Variants in TGFB2 observed in about 807,000 individuals in gnomAD.
TGFB2 encodes the protein transforming growth factor beta 2, also known as transforming growth factor beta-2 proprotein.
In TGFB2, 13 loss-of-function variants were observed where a neutral mutation model predicts 42.7. The ratio of observed to expected loss-of-function variants is 0.30; its 90% confidence interval spans 0.20 to 0.48. TGFB2 has a LOEUF of 0.48. Ranked by LOEUF, TGFB2 falls within the 20% of genes least tolerant of loss-of-function variation. The probability of loss-of-function intolerance (pLI) is 0.99; values close to 1 mark genes in which losing one functional copy is unlikely to be tolerated. For missense variants in TGFB2, 390 were observed against 517.5 expected (o/e 0.75, Z 2.39); for synonymous variants, 193 against 193.6 (o/e 1.00, Z 0.03).
intron 1 of TGFB2, among the ~76,000 whole-genome samples, chr1:218,400,029 C>A (rs1658662351): frequency 6.6e-6 from 1 of 152,002 alleles, no homozygotes; most frequent in African/African-American, 2.4e-5. Context: ...CAGATAATAT[C>A]CCTGTTGCCA....
intron 1 of TGFB2, among the ~76,000 whole-genome samples, chr1:218,391,214 C>T (rs2102578451): frequency 6.6e-6 from 1 of 152,274 alleles, no homozygotes; most frequent in Admixed American, 6.5e-5. Context: ...TCCCACTGGC[C>T]ATTTTCCTTG....
chr1:218,346,054 A>ACG lies in TGFB2; in HGVS notation c.-646_-645dup, dbSNP rs1354002228. Among the ~76,000 whole-genome samples the ACG allele has an allele frequency of 0.01, 1,542 of 148,036 alleles. 32 individuals carry two copies. Among genetic ancestry groups the ACG allele is most frequent in the African/African-American group, 0.038 (1,467 of 38,884 alleles). On this transcript the variant is annotated 5_prime_UTR_variant, in exon 1 of 7. Transcript: ENST00000366930. The surrounding 1 kb of genome is among the most constrained non-coding windows in gnomAD (Gnocchi z 4.9). The stretch of plus-strand genomic sequence containing the variant: ...CTGGGCTCGCCCCCAGCGCGCGCAC[A>ACG]CGCACACACACACACACACACACAC...
intron 1 of TGFB2, among the ~76,000 whole-genome samples, chr1:218,354,809 AC>A (rs1656979608): frequency 6.6e-6 from 1 of 152,088 alleles, no homozygotes; most frequent in Non-Finnish European, 1.5e-5. Flanking sequence ...GAAGCACACA[AC>A]CTGGGTTTTT....
intron 5 of TGFB2, among the ~76,000 whole-genome samples, chr1:218,436,599 T>G (rs1659979134): frequency 6.6e-6 from 1 of 152,220 alleles, no homozygotes; most frequent in African/African-American, 2.4e-5. Flanking sequence ...GTGTCACACC[T>G]TTAGCAACAG....
chr1:218,378,325 C>T (rs1332662939), intron 1 of TGFB2, among the ~76,000 whole-genome samples: 1 of 152,144 alleles, frequency 6.6e-6, no homozygotes, highest in Non-Finnish European at 1.5e-5. Context: ...TACAGGCGCC[C>T]GCCACTGCGC....
chr1:218,408,287 C>A (rs1282881155), intron 2 of TGFB2, among the ~76,000 whole-genome samples: 1 of 152,150 alleles, frequency 6.6e-6, no homozygotes, highest in African/African-American at 2.4e-5. Context: ...TCTCTTGAGG[C>A]TGGCAACTTA....
intron 2 of TGFB2, among the ~76,000 whole-genome samples, chr1:218,407,129 G>A (rs1046404646): frequency 6.6e-6 from 1 of 152,080 alleles, no homozygotes; most frequent in African/African-American, 2.4e-5. Flanking sequence ...ACAGCATCTT[G>A]CTCTGTCACC....
chr1:218,395,769 A>C (rs1189881326), intron 1 of TGFB2, among the ~76,000 whole-genome samples: 1 of 151,436 alleles, frequency 6.6e-6, no homozygotes, highest in Non-Finnish European at 1.5e-5. Context: ...CTGCCACCAC[A>C]CCTGGCTAAT....
intron 6 of TGFB2, among the ~76,000 whole-genome samples, chr1:218,438,558 G>A (rs547039604): frequency 2.8e-4 from 42 of 152,156 alleles, no homozygotes; most frequent in African/African-American, 1.0e-3. Flanking sequence ...ACATGAAAAT[G>A]ACTTGAAAAT....
At chr1:218,435,830 G>A in intron 4 of TGFB2, 140 bp from the exon 5 acceptor site, 1 of 796,468 alleles carries the variant, frequency 1.3e-6, no homozygotes, top group South Asian at 1.8e-5. Context: ...CTATTTCCAT[G>A]GGGAATAACT....
Position 218,407,784 on chromosome 1 carries a change from T to G in TGFB2, c.510+2452T>G, listed in dbSNP as rs1002734804. On this transcript the variant is annotated intron_variant, in intron 2 of 6. Coordinates refer to ENST00000366930, the MANE Select transcript of TGFB2 (RefSeq NM_003238.6). ...CGGACTCCCAAGTCCCTCCTGCCCC[T>G]CACCACATACTATGCTATTCCTAGC... Among the ~76,000 whole-genome samples the G allele has an allele frequency of 6.6e-5, 10 of 152,224 alleles. No homozygotes were observed. The South Asian group carries it at 8.3e-4, about 13-fold the overall frequency.
At chr1:218,404,198 C>T (rs1345735181) in intron 1 of TGFB2, among the ~76,000 whole-genome samples, 4 of 152,106 alleles carry the variant, frequency 2.6e-5, no homozygotes, top group African/African-American at 7.2e-5. Context: ...CTGCAGCCTC[C>T]GCCCCCGGGG....
intron 1 of TGFB2, among the ~76,000 whole-genome samples, chr1:218,388,080 G>A (rs143880666): frequency 2.4e-4 from 36 of 152,326 alleles, no homozygotes; most frequent in African/African-American, 6.0e-4. Context: ...AGGAATGGAC[G>A]TGGAATTAGG....
intron 2 of TGFB2, among the ~76,000 whole-genome samples, chr1:218,413,223 A>T (rs1306966812): frequency 6.6e-6 from 1 of 152,118 alleles, no homozygotes; most frequent in Non-Finnish European, 1.5e-5. Context: ...AAATACAAAA[A>T]TTAGCTGGGC....
At chr1:218,359,421 C>T (rs77992919) in intron 1 of TGFB2, among the ~76,000 whole-genome samples, 1,760 of 152,336 alleles carry the variant, frequency 0.012, 28 homozygotes, top group East Asian at 0.084. Context: ...ATTCCACCTA[C>T]TAAACTTACA....
chr1:218,378,483 T>C (rs1257787692), intron 1 of TGFB2, among the ~76,000 whole-genome samples: 1 of 152,096 alleles, frequency 6.6e-6, no homozygotes, highest in African/African-American at 2.4e-5. Context: ...GGCCATTTTT[T>C]GGGTATTTTT....
intron 2 of TGFB2, among the ~76,000 whole-genome samples, chr1:218,416,432 A>G (rs10482782): frequency 4.6e-5 from 7 of 152,098 alleles, no homozygotes; most frequent in South Asian, 4.1e-4. Context: ...ACCCCGTTCT[A>G]GAACTGTGGC....
chr1:218,420,070 A>G (rs973904683), intron 2 of TGFB2, among the ~76,000 whole-genome samples: 7 of 152,314 alleles, frequency 4.6e-5, no homozygotes, highest in African/African-American at 1.7e-4. Context: ...CCAAGTTCAC[A>G]TGTGTTAGTG....
Position 218,345,891 on chromosome 1 carries a change from G to A in TGFB2, c.-811G>A, listed in dbSNP as rs1288177337. On this transcript the variant is annotated 5_prime_UTR_variant, in exon 1 of 7. Transcript: ENST00000366930. The stretch of plus-strand genomic sequence containing the variant: ...ACGTGGAGTAACCAAGCGGGTCAGC[G>A]CGCGCCCGCCAGGGTGTAGGCCACG... Among the ~76,000 whole-genome samples, 1 of 152,010 alleles carries A rather than the reference G, an allele frequency of 6.6e-6. No homozygotes were observed. The highest frequency in any genetic ancestry group is 2.1e-4 in the South Asian group (1 of 4,822).
Sources: gnomAD v4.1 joint callset for allele counts (sites outside exome capture counted in the v4.1 genomes callset) on GRCh38, gnomAD v4.1.1 for gene constraint, Gnocchi (gnomAD v3.1) non-coding constraint, MANE v1.5 for transcripts, NCBI Gene and HGNC (gene_info 2026-07-23, HGNC 2026-07-21) for gene names.